NUP214: variants seen among roughly 807,000 people sequenced by gnomAD.
NUP214 encodes nuclear pore complex protein Nup214.
In NUP214, 79 loss-of-function variants were observed where a neutral mutation model predicts 196.2. That is an observed-to-expected ratio of 0.40 (90% confidence interval 0.34 to 0.49). The LOEUF is 0.49. Ranked by LOEUF, NUP214 falls within the 20% of genes least tolerant of loss-of-function variation. NUP214 has a pLI of 0.58. For missense variants in NUP214, 2,468 were observed against 2,539.0 expected, an observed-to-expected ratio of 0.97 and a Z score of 0.60; for synonymous variants, 1,020 against 990.5, an observed-to-expected ratio of 1.03 and a Z score of -0.56.
chr9:131,184,026 C>CTTTTTTTTTTTTTTTTTTTTTTTTTTTT (rs776765956), intron 24 of NUP214, among the ~76,000 whole-genome samples: 2 of 104,360 alleles, frequency 1.9e-5, no homozygotes, highest in Non-Finnish European at 3.9e-5. Flanking sequence ...TTTTCTTTTT[C>CTTTTTTTTTTTTTTTTTTTTTTTTTTTT]TTTTTTTTTT....
chr9:131,184,559 C>A (rs1050155362), intron 24 of NUP214, among the ~76,000 whole-genome samples: 2 of 151,464 alleles, frequency 1.3e-5, no homozygotes, highest in Admixed American at 6.6e-5. Flanking sequence ...TGGTCTCGAA[C>A]TCCTGACCTC....
Position 131,139,163 on chromosome 9 carries a change from G to A in NUP214, c.1006-118G>A, listed in dbSNP as rs576110314. The stretch of plus-strand genomic sequence containing the variant: ...GTCAACACCTGAGTCTAAACCAAGT[G>A]AGTCATCTCTGTTCTCCTATTTGAA... On this transcript the variant is annotated intron_variant, in intron 9 of 35. Transcript: ENST00000359428. The A allele has an allele frequency of 2.7e-5, 32 of 1,169,470 alleles. No homozygotes were observed. The African/African-American group carries it at 4.9e-4, about 18-fold the overall frequency. The allele number at this position is 1,169,470 out of a possible 1,614,324, so 72.4% of individuals were successfully genotyped here. A position where few individuals can be genotyped will look rare whatever the true frequency, so the allele number is the denominator to read the frequency against.
At chr9:131,229,017 A>C (rs984930703) in intron 33 of NUP214, 1 of 152,248 alleles carries the variant, frequency 6.6e-6, no homozygotes, top group Non-Finnish European at 1.5e-5. Context: ...CGGGATGACT[A>C]CCAAGTCTCT....
At chr9:131,222,322 T>A (rs1196937182) in intron 31 of NUP214, among the ~76,000 whole-genome samples, 1 of 152,244 alleles carries the variant, frequency 6.6e-6, no homozygotes, top group Non-Finnish European at 1.5e-5. Flanking sequence ...GTTGGATTTG[T>A]TCTAACTTTA....
At position 131,192,285 on chromosome 9, in the gene NUP214, C is replaced by T; in HGVS notation, c.3652C>T (p.Pro1218Ser). 6.6e-7 allele frequency: 1 copy of T among 1,505,104 alleles called. No individual in the cohort carries two copies. Among genetic ancestry groups the T allele is most frequent in the Non-Finnish European group, 9.0e-7 (1 of 1,114,438 alleles). The allele number at this position is 1,505,104 out of a possible 1,614,324, so 93.2% of individuals were successfully genotyped here. A position where few individuals can be genotyped will look rare whatever the true frequency, so the allele number is the denominator to read the frequency against. Residue 1218 changes from proline to serine, a missense_variant, in exon 27 of 36, where the codon CCA becomes TCA. By Grantham distance (74) the Pro-to-Ser change is moderately conservative (BLOSUM62 -1). Transcript: ENST00000359428. ...GQFSKPFSFSPSGTGFNFGII... is the reference protein window; with the variant it reads ...GQFSKPFSFSSSGTGFNFGII... ...GTTCAGCAAGCCTTTCTCATTTTCT[C>T]CATCAGGGTCAGTAATGAACTTAAG...
chr9:131,192,056 C>T, intron 26 of NUP214, 152 bp from the exon 27 acceptor site: 1 of 514,892 alleles, frequency 1.9e-6, no homozygotes. Context: ...CGTGCTCACT[C>T]CCCATGGCCA....
At position 131,198,013 on chromosome 9, in the gene NUP214, G is replaced by T. The variant is rs756173296; in HGVS notation, c.4519G>T (p.Asp1507Tyr). ...ATCAGCTTTGCCTGAGAAGCCAGGTGACAGTGAGGTCTCAGCATCAGCAGC... is the reference window on the plus strand; with the variant it reads ...ATCAGCTTTGCCTGAGAAGCCAGGTTACAGTGAGGTCTCAGCATCAGCAGC... ...TSSALPEKPGDSEVSASAASL... is the reference protein window; with the variant it reads ...TSSALPEKPGYSEVSASAASL... Residue 1507 changes from aspartate (D) to tyrosine (Y), a missense_variant, in exon 29 of 36, where the codon GAC (aspartate) becomes TAC (tyrosine). Physicochemically the swap from Asp to Tyr is radical, Grantham distance 160. Transcript: ENST00000359428. The T allele has an allele frequency of 1.2e-6, 2 of 1,614,228 alleles. No individual in the cohort carries two copies. The highest frequency in any genetic ancestry group is 2.2e-5 in the South Asian group (2 of 91,084).
chr9:131,182,861 T>C (rs750561537), intron 24 of NUP214, among the ~76,000 whole-genome samples: 14 of 152,210 alleles, frequency 9.2e-5, no homozygotes, highest in Non-Finnish European at 1.8e-4. Context: ...TGTTGACTTA[T>C]TGGCTATAAC....
At chr9:131,223,735 T>TTTTTTTTTA (rs1834642633) in intron 32 of NUP214, among the ~76,000 whole-genome samples, 1 of 13,142 alleles carries the variant, frequency 7.6e-5, no homozygotes, top group East Asian at 7.9e-3. Flanking sequence ...TTATTTTTTT[T>TTTTTTTTTA]TTTTTTTTTT....
At chr9:131,126,749 G>A (rs561664041) in intron 1 of NUP214, among the ~76,000 whole-genome samples, 1 of 151,824 alleles carries the variant, frequency 6.6e-6, no homozygotes, top group African/African-American at 2.4e-5. Flanking sequence ...TGGGTTTCAC[G>A]ATGTTGGCCA....
intron 17 of NUP214, among the ~76,000 whole-genome samples, chr9:131,156,574 CTTT>C (rs547605944): frequency 7.9e-6 from 1 of 125,904 alleles, no homozygotes; most frequent in Non-Finnish European, 1.7e-5. Context: ...TTTTTTTGTT[CTTT>C]TTTTTTTTGC....
chr9:131,147,248 A>G lies in NUP214; in HGVS notation c.1946-242A>G, dbSNP rs79072679. ...AGCAATCCTCCTGCCTCAGCCTCCC[A>G]AAAGGCTAGGATTACAGGTTTGAGC... On this transcript the variant is annotated intron_variant, in intron 13 of 35. Coordinates refer to ENST00000359428, the MANE Select transcript of NUP214 (RefSeq NM_005085.4). Among the ~76,000 whole-genome samples the G allele has an allele frequency of 3.0e-3, 454 of 152,218 alleles. 2 individuals carry two copies. The highest frequency in any genetic ancestry group is 8.8e-3 in the Admixed American group (134 of 15,302).
chr9:131,232,343 A>T lies in NUP214; in HGVS notation c.6239+35A>T. ...CCCCTTTTTGAGTCTCACCTTAATT[A>T]AAAGCATTAAATAAGGTTGGAAGTG... is the stretch of plus-strand genomic sequence containing the variant. On this transcript the variant is annotated intron_variant, in intron 35 of 35. Transcript: ENST00000359428. This position sits in a 1 kb window ranked among gnomAD's most constrained non-coding sequence, Gnocchi z 5.1. The T allele has an allele frequency of 1.3e-6, 2 of 1,595,656 alleles. No individual in the cohort carries two copies. Among genetic ancestry groups the T allele is most frequent in the Non-Finnish European group, 1.7e-6 (2 of 1,163,152 alleles).
chr9:131,137,782 C>G (rs2133468393), intron 9 of NUP214, among the ~76,000 whole-genome samples: 1 of 152,160 alleles, frequency 6.6e-6, no homozygotes, highest in East Asian at 1.9e-4. Context: ...AACTCCTGAC[C>G]TCAGGTGATC....
chr9:131,208,558 G>C (rs932219760), intron 30 of NUP214, among the ~76,000 whole-genome samples: 1 of 152,096 alleles, frequency 6.6e-6, no homozygotes, highest in Admixed American at 6.5e-5. Flanking sequence ...TTATCCAGGC[G>C]TGGTGGCGGG....
rs370518001 is a variant in NUP214 at position 131,150,912 on chromosome 9, C to G, written c.2277+147C>G. The G allele has an allele frequency of 1.6e-4, 118 of 737,352 alleles. 3 individuals are homozygous for G. The South Asian group carries it at 2.4e-3, about 15-fold the overall frequency. 45.7% of individuals were successfully genotyped at this position (737,352 alleles called of 1,614,324 possible). A position where few individuals can be genotyped will look rare whatever the true frequency, so the allele number is the denominator to read the frequency against. Reference sequence around the variant, plus strand: ...GTGGCTGAGTAGCTTGCCTAGAATCCCTGAGTTCAAATCCTACCTTCAGCA... The same window carrying G: ...GTGGCTGAGTAGCTTGCCTAGAATCGCTGAGTTCAAATCCTACCTTCAGCA... On this transcript the variant is annotated intron_variant, in intron 16 of 35. Coordinates refer to ENST00000359428, the MANE Select transcript of NUP214 (RefSeq NM_005085.4).
intron 17 of NUP214, among the ~76,000 whole-genome samples, chr9:131,157,750 A>G (rs921981269): frequency 1.3e-5 from 2 of 151,520 alleles, no homozygotes; most frequent in African/African-American, 4.9e-5. Context: ...GGTTCAAGAG[A>G]TTCTCCTGCC....
intron 32 of NUP214, 96 bp downstream of exon 32, chr9:131,223,026 G>A (rs929450285): frequency 8.1e-7 from 1 of 1,232,116 alleles, no homozygotes; most frequent in Non-Finnish European, 1.1e-6. Context: ...GTTATCTTAA[G>A]AGAGTAGGAT....
At chr9:131,174,554 T>C (rs1312635308) in intron 22 of NUP214, among the ~76,000 whole-genome samples, 4 of 147,042 alleles carry the variant, frequency 2.7e-5, no homozygotes, top group Admixed American at 7.1e-5. Flanking sequence ...GTTCAAATGA[T>C]TCTCCTGCCT....
Sources: gnomAD v4.1 joint callset for allele counts (sites outside exome capture counted in the v4.1 genomes callset) on GRCh38, gnomAD v4.1.1 for gene constraint, Gnocchi (gnomAD v3.1) non-coding constraint, MANE v1.5 for transcripts, NCBI Gene and HGNC (gene_info 2026-07-23, HGNC 2026-07-21) for gene names.